Variants in EPHB4 observed in about 807,000 individuals in gnomAD.
EPHB4 encodes the protein ephrin type-B receptor 4.
Under a neutral mutation model 110.6 loss-of-function variants are expected in EPHB4, and 50 were observed. The ratio of observed to expected loss-of-function variants is 0.45; its 90% CI spans 0.36 to 0.57. The LOEUF is 0.57. Among genes scored for constraint, EPHB4 ranks in the 20% least tolerant of loss-of-function variants. The pLI is 0.00. For missense variants in EPHB4, 1,128 were observed against 1,382.1 expected, an observed-to-expected ratio of 0.82 and a Z score of 2.91; for synonymous variants, 592 against 578.4, an observed-to-expected ratio of 1.02 and a Z score of -0.34.
intron 12 of EPHB4, among the ~76,000 whole-genome samples, chr7:100,811,278 TAA>T (rs5886141): frequency 4.3e-5 from 6 of 139,322 alleles, no homozygotes; most frequent in Middle Eastern, 3.3e-3. Context: ...TTAATAAAGT[TAA>T]AAAAAAAAAA....
chr7:100,819,994 G>A, intron 5 of EPHB4, 105 bp from the exon 6 acceptor site: 1 of 1,468,304 alleles, frequency 6.8e-7, no homozygotes, highest in Non-Finnish European at 9.1e-7. Flanking sequence ...CTTGGAGACA[G>A]TGGGCTCCAC....
At chr7:100,813,852 T>G (rs1813004425) in intron 9 of EPHB4, 67 bp downstream of exon 9, 10 of 1,607,030 alleles carry the variant, frequency 6.2e-6, no homozygotes, top group Middle Eastern at 1.7e-4. Flanking sequence ...AGGCTTGTCC[T>G]GTAGCACCCA....
At chr7:100,814,828 AACATAGCAAG>A (rs1813027181) in intron 8 of EPHB4, among the ~76,000 whole-genome samples, 2 of 151,588 alleles carry the variant, frequency 1.3e-5, no homozygotes, top group Admixed American at 1.3e-4. Flanking sequence ...CAGCCTGGGA[AACATAGCAAG>A]ACCCCGTCTC....
chr7:100,817,293 C>T lies in EPHB4; in HGVS notation c.1487G>A (p.Gly496Glu), dbSNP rs1195562961. ...CAGGTAGCTGGCTCCCCGCTTCAGC[C>T]CCCGCAGCTCTGCCCGGTTTTCTGA... ...KTSENRAELRGLKRGASYLVQ... is the reference protein window; with the variant it reads ...KTSENRAELRELKRGASYLVQ... Residue 496 changes from glycine to glutamate, a missense_variant, in exon 8 of 17, where the codon GGG (glycine) becomes GAG (glutamate). Physicochemically the swap from Gly to Glu is moderately conservative, Grantham distance 98. Transcript: ENST00000358173. 2.3e-5 allele frequency: 37 copies of T among 1,596,266 alleles called. No individual in the cohort carries two copies. Among genetic ancestry groups the T allele is most frequent in the Non-Finnish European group, 3.2e-5 (37 of 1,172,504 alleles).
chr7:100,813,549 C>G, intron 10 of EPHB4, 103 bp downstream of exon 10: 1 of 1,278,766 alleles, frequency 7.8e-7, no homozygotes, highest in African/African-American at 1.5e-5. Flanking sequence ...CTCCTGACCT[C>G]AAGTGATCTG....
intron 4 of EPHB4, among the ~76,000 whole-genome samples, chr7:100,821,611 G>A (rs1317520705): frequency 1.3e-5 from 2 of 149,972 alleles, no homozygotes; most frequent in African/African-American, 2.4e-5. Flanking sequence ...CTGGGCGACA[G>A]AGCAAGACTC....
rs751420111 is a variant in EPHB4, at chr7:100,819,636, G to A, written c.1218C>T (p.Val406=). The change falls in exon 6 of 17, where the codon GTC becomes GTT. Residue 406 remains valine (V), a synonymous_variant. Transcript: ENST00000358173. ...AGGAGGATACCCCGTTCAATGCAGT[G>A]ACCTCAAAGGTATAGGTGAAGTCAG... is the stretch of plus-strand genomic sequence containing the variant. ...LRPDFTYTFE[V]TALNGVSSLA... is the part of the protein sequence containing the mutation. 1.7e-5 allele frequency: 27 copies of A among 1,610,174 alleles called. 1 individual carries two copies. The highest frequency in any genetic ancestry group is 2.0e-5 in the Non-Finnish European group (24 of 1,176,914).
At chr7:100,816,121 G>C (rs1006215131) in intron 8 of EPHB4, among the ~76,000 whole-genome samples, 5 of 151,176 alleles carry the variant, frequency 3.3e-5, no homozygotes, top group African/African-American at 1.2e-4. Flanking sequence ...AGCTGAGATC[G>C]CGCCACCGCA....
Position 100,827,307 on chromosome 7 carries a change from C to T in EPHB4, c.-277G>A. The T allele has an allele frequency of 6.6e-6, 1 of 152,588 alleles. No individual in the cohort carries two copies. Among genetic ancestry groups the T allele is most frequent in the Non-Finnish European group, 1.4e-5 (1 of 69,060 alleles). 9.5% of individuals were successfully genotyped at this position (152,588 alleles called of 1,614,324 possible). On this transcript the variant is annotated 5_prime_UTR_variant, in exon 1 of 17. Coordinates refer to ENST00000358173, the MANE Select transcript of EPHB4 (RefSeq NM_004444.5). ...GACGTGGCTGGAGTTGGGGTCCCTC[C>T]GGGGCCTCGGGGTCCCGCCCCGGGT...
rs752834665 is a variant in EPHB4 at position 100,805,146 on chromosome 7, C to T, written c.2834+20G>A. 1.9e-6 allele frequency: 3 copies of T among 1,608,778 alleles called. No individual in the cohort carries two copies. The highest frequency in any genetic ancestry group is 2.2e-5 in the East Asian group (1 of 44,766). ...CTGCCCCGCTCTCCCAGCCCCACTC[C>T]AGCTCCTGCCACTGCTTACTCAGCA... On this transcript the variant is annotated intron_variant, in intron 16 of 16. Coordinates refer to ENST00000358173, the MANE Select transcript of EPHB4 (RefSeq NM_004444.5).
intron 13 of EPHB4, 137 bp from the exon 14 acceptor site, chr7:100,806,706 T>C: frequency 4.7e-6 from 5 of 1,067,918 alleles, no homozygotes; most frequent in Non-Finnish European, 6.5e-6. Flanking sequence ...TCTCCAACTC[T>C]GTTTGCCCAG....
intron 13 of EPHB4, among the ~76,000 whole-genome samples, 172 bp from the exon 14 acceptor site, chr7:100,806,741 G>T (rs1393832009): frequency 6.6e-6 from 1 of 151,940 alleles, no homozygotes; most frequent in Admixed American, 6.6e-5. Context: ...GTGCGATCTT[G>T]GCTCACTGAA....
At chr7:100,826,836 C>A in intron 1 of EPHB4, 143 bp downstream of exon 1, 1 of 834,390 alleles carries the variant, frequency 1.2e-6, no homozygotes. Flanking sequence ...CCCTCCCGTT[C>A]CAGCACTATC....
Position 100,822,247 on chromosome 7 carries a change from C to G in EPHB4, c.808+24G>C. 6.5e-7 allele frequency: 1 copy of G among 1,545,856 alleles called. No individual in the cohort carries two copies. Among genetic ancestry groups the G allele is most frequent in the Non-Finnish European group, 8.7e-7 (1 of 1,145,682 alleles). ...GACTCTCCCCCGGATGAGCAGCAGT[C>G]GCAGGGGAAGCTCCAGCTCTCACCT... On this transcript the variant is annotated intron_variant, in intron 4 of 16. Transcript: ENST00000358173. This position sits in a 1 kb window ranked among gnomAD's most constrained non-coding sequence, Gnocchi z 4.7.
Position 100,805,513 on chromosome 7 carries a change from C to T in EPHB4, c.2666G>A (p.Arg889Gln), listed in dbSNP as rs146445434. ...RNPASLKIVA[R>Q]ENGGASHPLL... ...CTGCAGTCCTCACCCGCCATTCTCC[C>T]GGGCCACGATTTTGAGGCTGGCGGG... The change falls in exon 15 of 17, where the codon CGG becomes CAG. Residue 889 changes from arginine to glutamine, a missense_variant. This residue lies in a region of EPHB4 where 209 missense variants were observed against 240.5 expected (regional missense o/e 0.87). Transcript: ENST00000358173. 185 of 1,521,434 alleles carry T rather than the reference C, an allele frequency of 1.2e-4. No homozygotes were observed. The highest frequency in any genetic ancestry group is 1.4e-4 in the Non-Finnish European group (161 of 1,134,386). 94.2% of individuals were successfully genotyped at this position (1,521,434 alleles called of 1,614,324 possible).
intron 2 of EPHB4, 118 bp downstream of exon 2, chr7:100,824,085 G>T: frequency 6.5e-7 from 1 of 1,536,454 alleles, no homozygotes; most frequent in Non-Finnish European, 8.9e-7. Flanking sequence ...ACACTGCTGG[G>T]GCTGCTGTCA....
At chr7:100,813,371 A>G (rs937587733) in intron 10 of EPHB4, 163 bp from the exon 11 acceptor site, 12 of 614,724 alleles carry the variant, frequency 2.0e-5, no homozygotes, top group Admixed American at 6.9e-5. Flanking sequence ...CCTGGAGCGC[A>G]GTGGCGCGAT....
intron 12 of EPHB4, among the ~76,000 whole-genome samples, chr7:100,810,503 AG>A (rs781385740): frequency 6.6e-5 from 10 of 151,704 alleles, no homozygotes; most frequent in Admixed American, 1.3e-4. Context: ...GCACTTTGAG[AG>A]GTTAAGGAGG....
At chr7:100,824,023 A>G in intron 2 of EPHB4, 92 bp from the exon 3 acceptor site, 2 of 1,511,042 alleles carry the variant, frequency 1.3e-6, no homozygotes, top group Non-Finnish European at 8.9e-7. Context: ...GGGACTGAGA[A>G]AGGGGGGCTG....
Sources: allele counts gnomAD v4.1 joint callset (sites outside exome capture counted in the v4.1 genomes callset), GRCh38; gene constraint gnomAD v4.1.1; regional missense constraint gnomAD v4.1.1; non-coding constraint Gnocchi (gnomAD v3.1); transcripts MANE v1.5; gene names NCBI Gene and HGNC (gene_info 2026-07-23, HGNC 2026-07-21).